The following ADGRL2 variants were observed in gnomAD, a reference collection of about 807,000 sequenced individuals.
ADGRL2 encodes adhesion G protein-coupled receptor L2.
A neutral mutation model predicts 157.4 loss-of-function variants in ADGRL2; 44 were observed. That is an observed-to-expected ratio of 0.28 (90% CI 0.22 to 0.36). The LOEUF is 0.36. Ranked by LOEUF, ADGRL2 falls within the 10% of genes least tolerant of loss-of-function variation. ADGRL2 has a pLI of 1.00. For synonymous variants in ADGRL2, 585 were observed against 624.7 expected (o/e 0.94, Z 0.95); for missense variants, 1,510 against 1,768.9 (o/e 0.85, Z 2.63).
At chr1:81,792,032 T>G (rs898634484) in intron 2 of ADGRL2, among the ~76,000 whole-genome samples, 1 of 152,218 alleles carries the variant, frequency 6.6e-6, no homozygotes, top group Non-Finnish European at 1.5e-5. Context: ...TCCGTGCGTA[T>G]TTCTCCTTTG....
At chr1:81,897,493 T>C (rs1350871077) in intron 2 of ADGRL2, among the ~76,000 whole-genome samples, 2 of 152,198 alleles carry the variant, frequency 1.3e-5, no homozygotes, top group African/African-American at 4.8e-5. Flanking sequence ...AATTATTAAT[T>C]AGTGGTAGAT....
chr1:81,504,012 G>C (rs929641707), intron 2 of ADGRL2, among the ~76,000 whole-genome samples: 1 of 152,140 alleles, frequency 6.6e-6, no homozygotes, highest in African/African-American at 2.4e-5. Context: ...CCTGGGGTAC[G>C]GGTCCCTCAA....
At chr1:81,408,074 T>C (rs1402281825) in intron 1 of ADGRL2, among the ~76,000 whole-genome samples, 1 of 152,204 alleles carries the variant, frequency 6.6e-6, no homozygotes, top group African/African-American at 2.4e-5. Flanking sequence ...CTTTCTTTAA[T>C]CAGGAGTTCA....
intron 3 of ADGRL2, among the ~76,000 whole-genome samples, chr1:81,691,983 A>G (rs1340316366): frequency 1.3e-5 from 2 of 151,076 alleles, no homozygotes; most frequent in African/African-American, 4.9e-5. Flanking sequence ...CATATATAGT[A>G]TATATGATAT....
chr1:81,412,486 C>T (rs762575837), intron 1 of ADGRL2, among the ~76,000 whole-genome samples: 1 of 152,154 alleles, frequency 6.6e-6, no homozygotes, highest in African/African-American at 2.4e-5. Flanking sequence ...AACTTAGAAG[C>T]CTTTCTATCT....
chr1:81,527,234 C>G (rs2148214242), intron 2 of ADGRL2, among the ~76,000 whole-genome samples: 1 of 152,274 alleles, frequency 6.6e-6, no homozygotes, highest in South Asian at 2.1e-4. Flanking sequence ...GTCACATAGA[C>G]TTCCTCAACC....
intron 2 of ADGRL2, among the ~76,000 whole-genome samples, chr1:81,790,173 C>A (rs2087263942): frequency 6.6e-6 from 1 of 152,012 alleles, no homozygotes; most frequent in African/African-American, 2.4e-5. Flanking sequence ...TGCTTGACAG[C>A]CAACATTTCA....
chr1:81,716,316 G>A (rs1557591102), intron 1 of ADGRL2, among the ~76,000 whole-genome samples: 1 of 152,022 alleles, frequency 6.6e-6, no homozygotes. Context: ...GATTACTCGA[G>A]CTCTATTTTG....
intron 3 of ADGRL2, among the ~76,000 whole-genome samples, chr1:81,685,692 T>TG (rs2083214731): frequency 6.6e-6 from 1 of 152,172 alleles, no homozygotes; most frequent in Non-Finnish European, 1.5e-5. Flanking sequence ...GTGGTCAGAG[T>TG]GGGCATCTCT....
intron 1 of ADGRL2, among the ~76,000 whole-genome samples, chr1:81,816,531 A>G (rs1363515330): frequency 6.6e-6 from 1 of 151,914 alleles, no homozygotes; most frequent in Admixed American, 6.6e-5. Flanking sequence ...TGCCATGCAA[A>G]CTATTTGATC....
chr1:81,390,488 A>C (rs896762761), intron 1 of ADGRL2, among the ~76,000 whole-genome samples: 1 of 152,304 alleles, frequency 6.6e-6, no homozygotes, highest in Non-Finnish European at 1.5e-5. Flanking sequence ...ATGCAATTTC[A>C]ATTTTTAAGA....
chr1:81,682,103 A>ATGTGTGTGTGTGTGTGTGTGTGTGTGTG (rs57943530), intron 3 of ADGRL2, among the ~76,000 whole-genome samples: 3 of 147,928 alleles, frequency 2.0e-5, no homozygotes, highest in Non-Finnish European at 4.5e-5. Context: ...ATACATATAT[A>ATGTGTGTGTGTGTGTGTGTGTGTGTGTG]TGTGTGTGTG....
chr1:81,315,966 G>A (rs1320471971), intron 1 of ADGRL2, among the ~76,000 whole-genome samples: 2 of 152,008 alleles, frequency 1.3e-5, no homozygotes, highest in Non-Finnish European at 1.5e-5. Context: ...ACATTGACAT[G>A]AATACTTACT....
At chr1:81,696,623 G>A (rs1365829818), upstream of ADGRL2, among the ~76,000 whole-genome samples, 1 of 152,072 alleles carries the variant, frequency 6.6e-6, no homozygotes, top group African/African-American at 2.4e-5. Context: ...GTGGTGGCGG[G>A]CGCCTGTAGT....
intron 1 of ADGRL2, among the ~76,000 whole-genome samples, chr1:81,401,915 T>C (rs1326375027): frequency 6.6e-6 from 1 of 152,188 alleles, no homozygotes; most frequent in Non-Finnish European, 1.5e-5. Flanking sequence ...AGATAATAAC[T>C]TGTTCAGCCA....
intron 3 of ADGRL2, among the ~76,000 whole-genome samples, chr1:81,927,969 A>G (rs1306843944): frequency 6.6e-6 from 1 of 152,004 alleles, no homozygotes; most frequent in African/African-American, 2.4e-5. Flanking sequence ...ATTCAACTCC[A>G]TTTTTCTCTT....
intron 1 of ADGRL2, among the ~76,000 whole-genome samples, chr1:81,717,352 AG>A (rs1201646028): frequency 1.3e-5 from 2 of 152,234 alleles, no homozygotes; most frequent in Non-Finnish European, 2.9e-5. Flanking sequence ...TACAAGTCAA[AG>A]GCTATGCATC....
Position 81,970,521 on chromosome 1 carries a change from G to T in ADGRL2, c.2941G>T (p.Gly981Ter). 6.2e-7 allele frequency: 1 copy of T among 1,604,672 alleles called. No individual in the cohort carries two copies. The highest frequency in any genetic ancestry group is 8.5e-7 in the Non-Finnish European group (1 of 1,177,026). ...AGCTGCTATTGACTATAAGAGCTAT[G>T]GAACAGAAAAAGCGTAAGTAATTGC... The part of the protein sequence containing the change: ...VSAAIDYKSY[G>*]TEKACWLHVD... The change falls in exon 16 of 24, where the codon GGA (glycine) becomes TGA (stop). Residue 981 changes from glycine to a stop codon, truncating the protein, a stop_gained. Transcript: ENST00000686636. LOFTEE classifies it high-confidence loss of function.
At chr1:81,826,843 A>G (rs1387617207) in intron 1 of ADGRL2, among the ~76,000 whole-genome samples, 2 of 152,200 alleles carry the variant, frequency 1.3e-5, no homozygotes, top group African/African-American at 4.8e-5. Context: ...CTACCATAAT[A>G]TAATGTTATT....
Sources: gnomAD v4.1 joint callset for allele counts (sites outside exome capture counted in the v4.1 genomes callset) on GRCh38, gnomAD v4.1.1 for gene constraint, MANE v1.5 for transcripts, NCBI Gene and HGNC (gene_info 2026-07-23, HGNC 2026-07-21) for gene names.